PCDHGB3: variants seen among roughly 807,000 people sequenced by gnomAD.
PCDHGB3 encodes protocadherin gamma-B3.
In PCDHGB3, 40 loss-of-function variants were observed where a neutral mutation model predicts 59.2. The observed-to-expected ratio is 0.68, with a 90% CI of 0.52 to 0.88. The LOEUF is 0.88. Among genes scored for constraint, PCDHGB3 ranks in the 40% least tolerant of loss-of-function variants. PCDHGB3 has a pLI of 0.00. For missense variants in PCDHGB3, 1,309 were observed against 1,187.9 expected, an observed-to-expected ratio of 1.10 and a Z score of -1.50; for synonymous variants, 581 against 503.6, an observed-to-expected ratio of 1.15 and a Z score of -2.06.
intron 1 of PCDHGB3, chr5:141,400,528 A>T (rs764084750): frequency 1.9e-6 from 3 of 1,613,868 alleles, no homozygotes; most frequent in Non-Finnish European, 2.5e-6. Context: ...TGAGTTGGTG[A>T]GTTTCATTTA....
rs762612048 is a variant in PCDHGB3 at position 141,388,612 on chromosome 5, G to A, written c.2415+15803G>A. The A allele has an allele frequency of 2.5e-5, 40 of 1,613,954 alleles. No homozygotes were observed. The East Asian group carries it at 5.3e-4, about 22-fold the overall frequency. ...GCCAATGATAATGCTCCAGTGTTCAGTCAAGACGTATACAGGGTGAGCCTT... is the reference window on the plus strand; with the variant it reads ...GCCAATGATAATGCTCCAGTGTTCAATCAAGACGTATACAGGGTGAGCCTT... On this transcript the variant is annotated intron_variant, in intron 1 of 3. Coordinates refer to ENST00000576222, the MANE Select transcript of PCDHGB3 (RefSeq NM_018924.5).
At chr5:141,478,708 A>G (rs1394463788) in intron 1 of PCDHGB3, 31 of 1,548,072 alleles carry the variant, frequency 2.0e-5, no homozygotes, top group Non-Finnish European at 2.5e-5. Context: ...TGCCTTTGTG[A>G]GATGGTGGCC....
At chr5:141,387,764 A>AT (rs1054166588) in intron 1 of PCDHGB3, 8 of 1,430,464 alleles carry the variant, frequency 5.6e-6, no homozygotes, top group Non-Finnish European at 7.4e-6. Context: ...AAAAAGAAGA[A>AT]TTTTTTCTTG....
chr5:141,419,006 A>G (rs2096312225), intron 1 of PCDHGB3: 1 of 1,614,006 alleles, frequency 6.2e-7, no homozygotes. Context: ...TGGGGAAGTC[A>G]GGTGTAGCTT....
chr5:141,445,890 T>C (rs1435563284), intron 1 of PCDHGB3, among the ~76,000 whole-genome samples: 1 of 152,210 alleles, frequency 6.6e-6, no homozygotes, highest in Non-Finnish European at 1.5e-5. Context: ...ACTTAGGAGC[T>C]ATTAAAATAT....
intron 1 of PCDHGB3, chr5:141,414,621 C>G: frequency 6.2e-7 from 1 of 1,613,996 alleles, no homozygotes; most frequent in Non-Finnish European, 8.5e-7. Flanking sequence ...CAGCGCTGGA[C>G]CCGGACAGCA....
chr5:141,375,241 C>G (rs774856817), intron 1 of PCDHGB3: 20 of 1,613,942 alleles, frequency 1.2e-5, no homozygotes, highest in Non-Finnish European at 1.7e-5. Context: ...CCTGTTCCAT[C>G]CCGAGAAGTC....
intron 1 of PCDHGB3, chr5:141,423,850 A>G: frequency 1.6e-6 from 2 of 1,278,674 alleles, no homozygotes; most frequent in East Asian, 3.1e-5. Flanking sequence ...ATCTTTCAGA[A>G]CGTTTTTGTG....
intron 1 of PCDHGB3, chr5:141,422,014 C>T (rs1472942387): frequency 1.9e-6 from 3 of 1,610,040 alleles, no homozygotes; most frequent in African/African-American, 1.3e-5. Flanking sequence ...AACTCGGGTG[C>T]TGATGGTTAA....
At position 141,419,312 on chromosome 5, in the gene PCDHGB3, G is replaced by C. The variant is rs35892780; in HGVS notation, c.2415+46503G>C. On this transcript the variant is annotated intron_variant, in intron 1 of 3. Transcript: ENST00000576222. ...CTCTGACCCAGACTTCGGGCTCAAC[G>C]GCCGTGTCTCCTACTCTCTCATTGC... 1.0e-3 allele frequency: 1,689 copies of C among 1,613,962 alleles called. 4 individuals are homozygous for C. Among genetic ancestry groups the C allele is most frequent in the Middle Eastern group, 5.3e-3 (32 of 6,062 alleles).
At position 141,381,826 on chromosome 5, in the gene PCDHGB3, CTTT is replaced by C. The variant is rs770630741; in HGVS notation, c.2415+9037_2415+9039del. Among the ~76,000 whole-genome samples the C allele has an allele frequency of 8.4e-3, 625 of 74,256 alleles. 6 individuals are homozygous for C. Among genetic ancestry groups the C allele is most frequent in the African/African-American group, 0.035 (569 of 16,164 alleles). 48.7% of individuals were successfully genotyped at this position (74,256 alleles called of 152,430 possible). On this transcript the variant is annotated intron_variant, in intron 1 of 3. Transcript: ENST00000576222. ...TTTCTTTCTTTCTTTCTTTCTTCTT[CTTT>C]TTTTTTTTTTTTTTTTTTTGGCAGA...
intron 1 of PCDHGB3, chr5:141,428,236 G>A (rs1474911413): frequency 9.7e-7 from 1 of 1,026,978 alleles, no homozygotes; most frequent in Admixed American, 1.9e-5. Context: ...CAGCCTGCAG[G>A]AGGCACTGCC....
At chr5:141,425,429 A>G in intron 1 of PCDHGB3, among the ~76,000 whole-genome samples, 1 of 152,254 alleles carries the variant, frequency 6.6e-6, no homozygotes, top group East Asian at 1.9e-4. Flanking sequence ...CCCATTAAAT[A>G]GAGGATAAAA....
chr5:141,375,103 C>G (rs1230243964), intron 1 of PCDHGB3: 1 of 1,613,900 alleles, frequency 6.2e-7, no homozygotes, highest in South Asian at 1.1e-5. Context: ...TCTTGGATGT[C>G]AATGATAATG....
Position 141,372,658 on chromosome 5 carries a change from G to A in PCDHGB3, c.2264G>A (p.Cys755Tyr). The A allele has an allele frequency of 1.9e-6, 3 of 1,614,020 alleles. No homozygotes were observed. The highest frequency in any genetic ancestry group is 1.3e-5 in the African/African-American group (1 of 75,052). The part of the protein sequence containing the change: ...ERTLPYSYNP[C>Y]AASHSSNTEF... Reference sequence around the variant, plus strand: ...ACTTTGCCTTATTCCTACAATCCGTGTGCTGCCTCACATTCCTCAAACACC... The same window carrying A: ...ACTTTGCCTTATTCCTACAATCCGTATGCTGCCTCACATTCCTCAAACACC... The change falls in exon 1 of 4, where the codon TGT (cysteine) becomes TAT (tyrosine). Residue 755 changes from cysteine to tyrosine, a missense_variant. Transcript: ENST00000576222.
intron 1 of PCDHGB3, chr5:141,404,727 T>G (rs762980421): frequency 6.2e-7 from 1 of 1,613,912 alleles, no homozygotes; most frequent in Non-Finnish European, 8.5e-7. Flanking sequence ...ACCAAGGTGG[T>G]GGCAGTGGAC....
chr5:141,435,940 G>A (rs2097787697), intron 1 of PCDHGB3, among the ~76,000 whole-genome samples: 1 of 152,066 alleles, frequency 6.6e-6, no homozygotes, highest in Admixed American at 6.5e-5. Flanking sequence ...CTGCTTCTGA[G>A]ACCAAAAAAG....
chr5:141,376,421 A>C (rs765897100), intron 1 of PCDHGB3: 1 of 1,614,248 alleles, frequency 6.2e-7, no homozygotes, highest in Non-Finnish European at 8.5e-7. Flanking sequence ...CGACACGCTT[A>C]TCAACCAGGA....
At chr5:141,468,668 C>T (rs993230755) in intron 1 of PCDHGB3, 1 of 149,910 alleles carries the variant, frequency 6.7e-6, no homozygotes, top group Admixed American at 6.7e-5. Context: ...AGATCAAGAC[C>T]ATCCTGGCTA....
Sources: gnomAD v4.1 joint callset for allele counts (sites outside exome capture counted in the v4.1 genomes callset) on GRCh38, gnomAD v4.1.1 for gene constraint, MANE v1.5 for transcripts, NCBI Gene and HGNC (gene_info 2026-07-23, HGNC 2026-07-21) for gene names.